Variants in AUTS2 observed in about 807,000 individuals in gnomAD.
The protein encoded by AUTS2 is autism susceptibility gene 2 protein.
Under a neutral mutation model 112.4 loss-of-function variants are expected in AUTS2, and 17 were observed. The observed-to-expected ratio is 0.15, with a 90% CI of 0.10 to 0.23. The LOEUF (loss-of-function observed/expected upper bound fraction) is 0.23. AUTS2 is among the 10% of genes least tolerant of loss of function. The probability of loss-of-function intolerance (pLI) is 1.00; values close to 1 mark genes in which losing one functional copy is unlikely to be tolerated. For missense variants in AUTS2, 1,510 were observed against 1,701.6 expected (o/e 0.89, Z 1.98); for synonymous variants, 751 against 702.7 (o/e 1.07, Z -1.09).
intron 2 of AUTS2, among the ~76,000 whole-genome samples, chr7:70,011,807 C>T (rs765546794): frequency 1.3e-5 from 2 of 152,168 alleles, no homozygotes; most frequent in Non-Finnish European, 2.9e-5. Context: ...GGCCATGCGA[C>T]CTTTCAGCCC....
chr7:70,678,436 G>C (rs897842811), intron 5 of AUTS2, among the ~76,000 whole-genome samples: 10 of 152,176 alleles, frequency 6.6e-5, no homozygotes, highest in African/African-American at 2.4e-4. Context: ...TGGTACTGGG[G>C]GGAGCAAGAC....
intron 1 of AUTS2, among the ~76,000 whole-genome samples, chr7:69,673,029 T>G (rs930494323): frequency 2.0e-5 from 3 of 152,242 alleles, no homozygotes; most frequent in Non-Finnish European, 4.4e-5. Context: ...AGACCCATCA[T>G]GTTTCTAGAG....
chr7:70,659,774 A>C (rs573744270), intron 5 of AUTS2, among the ~76,000 whole-genome samples: 15 of 152,276 alleles, frequency 9.9e-5, no homozygotes, highest in Non-Finnish European at 2.1e-4. Context: ...TGTAATGTCA[A>C]ATCGTGGGCA....
At chr7:70,203,638 A>G (rs1002925593) in intron 4 of AUTS2, among the ~76,000 whole-genome samples, 1 of 148,162 alleles carries the variant, frequency 6.7e-6, no homozygotes, top group African/African-American at 2.5e-5. Flanking sequence ...TTTTTTAAAC[A>G]GAGTCTTCTT....
chr7:69,642,216 A>T lies in AUTS2; in HGVS notation c.309+42254A>T, dbSNP rs541933956. ...CCTTAACCCATTTTGGAGCAATAAGACTGTCATGGAGTAAAACCAAATTAC... is the reference window on the plus strand; with the variant it reads ...CCTTAACCCATTTTGGAGCAATAAGTCTGTCATGGAGTAAAACCAAATTAC... On this transcript the variant is annotated intron_variant, in intron 1 of 18. Transcript: ENST00000342771. 6.6e-5 allele frequency among the ~76,000 whole-genome samples: 10 copies of T among 152,274 alleles called. No individual in the cohort carries two copies. In the East Asian group the frequency reaches 1.7e-3, roughly 26 times the overall value.
intron 1 of AUTS2, among the ~76,000 whole-genome samples, chr7:69,736,626 A>G (rs991000039): frequency 5.3e-5 from 8 of 152,200 alleles, no homozygotes; most frequent in Admixed American, 1.3e-4. Flanking sequence ...CTCATAAATC[A>G]TCCACTTACC....
chr7:69,909,795 A>C (rs776340005), intron 2 of AUTS2, among the ~76,000 whole-genome samples: 48 of 152,214 alleles, frequency 3.2e-4, no homozygotes, highest in Non-Finnish European at 6.0e-4. Flanking sequence ...AACAGTAGGT[A>C]GCATTCTTTT....
At chr7:69,905,794 C>T (rs1795128130) in intron 2 of AUTS2, among the ~76,000 whole-genome samples, 1 of 152,178 alleles carries the variant, frequency 6.6e-6, no homozygotes, top group Non-Finnish European at 1.5e-5. Flanking sequence ...AATTAACCAA[C>T]ACAGCACATT....
chr7:69,745,019 G>A (rs534929851), intron 1 of AUTS2, among the ~76,000 whole-genome samples: 17 of 152,220 alleles, frequency 1.1e-4, no homozygotes, highest in African/African-American at 1.7e-4. Flanking sequence ...GAGGAGAGTC[G>A]TGGACCCCCT....
At chr7:70,218,105 CA>C (rs1053484480) in intron 4 of AUTS2, among the ~76,000 whole-genome samples, 1 of 152,184 alleles carries the variant, frequency 6.6e-6, no homozygotes, top group Non-Finnish European at 1.5e-5. Flanking sequence ...CTGGTGTCTG[CA>C]AGAAAACAAA....
At chr7:70,449,456 G>T (rs1264510098) in intron 5 of AUTS2, among the ~76,000 whole-genome samples, 1 of 152,190 alleles carries the variant, frequency 6.6e-6, no homozygotes, top group Non-Finnish European at 1.5e-5. Flanking sequence ...GGACCATGTT[G>T]TCCAAATGTG....
At chr7:69,923,658 G>C (rs1281324640) in intron 2 of AUTS2, among the ~76,000 whole-genome samples, 1 of 152,070 alleles carries the variant, frequency 6.6e-6, no homozygotes, top group Non-Finnish European at 1.5e-5. Context: ...CAGTATATAA[G>C]CCTTTCATAT....
chr7:70,534,789 C>G (rs554802544), intron 5 of AUTS2, among the ~76,000 whole-genome samples: 18 of 152,128 alleles, frequency 1.2e-4, no homozygotes, highest in Non-Finnish European at 2.2e-4. Flanking sequence ...CCTGTGAACA[C>G]TCAGCACAGG....
chr7:69,664,022 A>C (rs937815597), intron 1 of AUTS2, among the ~76,000 whole-genome samples: 8 of 152,224 alleles, frequency 5.3e-5, no homozygotes, highest in African/African-American at 1.7e-4. Flanking sequence ...GAAAGAAAAG[A>C]ATCTTTGGAA....
chr7:70,398,861 C>T (rs1259759900), intron 4 of AUTS2, among the ~76,000 whole-genome samples: 7 of 151,776 alleles, frequency 4.6e-5, no homozygotes, highest in African/African-American at 1.7e-4. Flanking sequence ...AGCCATTTTC[C>T]GTTTGAAAAA....
chr7:69,689,621 T>G (rs1797228274), intron 1 of AUTS2, among the ~76,000 whole-genome samples: 1 of 149,164 alleles, frequency 6.7e-6, no homozygotes, highest in African/African-American at 2.5e-5. Flanking sequence ...ATTACAGGCG[T>G]GAGCCACCGC....
intron 1 of AUTS2, among the ~76,000 whole-genome samples, chr7:69,644,508 A>G (rs925970276): frequency 3.9e-5 from 6 of 152,052 alleles, no homozygotes; most frequent in Admixed American, 3.3e-4. Context: ...TTAAAAAAAA[A>G]AAAAAACTTT....
At chr7:70,381,060 A>G (rs571913135) in intron 4 of AUTS2, among the ~76,000 whole-genome samples, 1 of 152,364 alleles carries the variant, frequency 6.6e-6, no homozygotes, top group Non-Finnish European at 1.5e-5. Context: ...ATGATACCGT[A>G]TAAATAATAT....
chr7:70,561,456 C>A (rs576336507), intron 5 of AUTS2, among the ~76,000 whole-genome samples: 2 of 152,264 alleles, frequency 1.3e-5, no homozygotes, highest in Admixed American at 6.5e-5. Context: ...AAGATCCTGT[C>A]TCTACAAAAA....
Sources: allele counts gnomAD v4.1 joint callset (sites outside exome capture counted in the v4.1 genomes callset), GRCh38; gene constraint gnomAD v4.1.1; transcripts MANE v1.5; gene names NCBI Gene and HGNC (gene_info 2026-07-23, HGNC 2026-07-21).